Variants in SMC3 observed in about 807,000 individuals in gnomAD.
SMC3 encodes the protein structural maintenance of chromosomes 3.
A neutral mutation model predicts 171.8 loss-of-function variants in SMC3; 20 were observed. The ratio of observed to expected loss-of-function variants is 0.12; its 90% CI spans 0.08 to 0.17. The LOEUF (loss-of-function observed/expected upper bound fraction) is 0.17. Ranked by LOEUF, SMC3 falls within the 10% of genes least tolerant of loss-of-function variation. SMC3 has a pLI of 1.00. For synonymous variants in SMC3, 464 were observed against 451.1 expected, an observed-to-expected ratio of 1.03 and a Z score of -0.36; for missense variants, 543 against 1,420.4, an observed-to-expected ratio of 0.38 and a Z score of 9.93.
At chr10:110,579,780 TA>T (rs1244735842) in intron 7 of SMC3, among the ~76,000 whole-genome samples, 1 of 152,202 alleles carries the variant, frequency 6.6e-6, no homozygotes, top group Non-Finnish European at 1.5e-5. Flanking sequence ...GAGCGTTCAA[TA>T]ATGAGGATCT....
At chr10:110,602,298 C>A in intron 25 of SMC3, 120 bp downstream of exon 25, 1 of 1,003,182 alleles carries the variant, frequency 1.0e-6, no homozygotes, top group Non-Finnish European at 1.5e-6. Flanking sequence ...TACATGTGAA[C>A]AAACCTAGCA....
intron 22 of SMC3, 131 bp downstream of exon 22, chr10:110,600,677 T>C: frequency 1.5e-6 from 1 of 681,936 alleles, no homozygotes; most frequent in Non-Finnish European, 2.6e-6. Context: ...TTGTGGGCCT[T>C]GGGTTGGAAT....
At chr10:110,592,963 A>ATATAATGG (rs1349186591) in intron 17 of SMC3, 110 bp from the exon 18 acceptor site, 3 of 936,156 alleles carry the variant, frequency 3.2e-6, no homozygotes, top group Non-Finnish European at 5.1e-6. Flanking sequence ...TCGTTTTGAA[A>ATATAATGG]TATAATGGTG....
At chr10:110,570,125 T>G (rs1294966822) in intron 2 of SMC3, among the ~76,000 whole-genome samples, 1 of 152,182 alleles carries the variant, frequency 6.6e-6, no homozygotes, top group Non-Finnish European at 1.5e-5. Context: ...CTTCCTGGCT[T>G]ATGGACAGCT....
intron 15 of SMC3, 41 bp downstream of exon 15, chr10:110,590,032 AT>A: frequency 6.5e-7 from 1 of 1,527,350 alleles, no homozygotes; most frequent in East Asian, 2.3e-5. Context: ...ACACTGAGTC[AT>A]TGAGTTAATC....
At chr10:110,589,347 G>C (rs1335917945) in intron 13 of SMC3, among the ~76,000 whole-genome samples, 2 of 152,184 alleles carry the variant, frequency 1.3e-5, no homozygotes, top group Non-Finnish European at 2.9e-5. Flanking sequence ...AGTCAGGAAA[G>C]TGGCAAAAAT....
chr10:110,575,322 T>G lies in SMC3; in HGVS notation c.131-14T>G. The G allele has an allele frequency of 6.2e-7, 1 of 1,609,410 alleles. No homozygotes were observed. Among genetic ancestry groups the G allele is most frequent in the Non-Finnish European group, 8.5e-7 (1 of 1,175,976 alleles). ...TTTTTTAGGGTATACTAATAGTTGTTTTTGTATTTCCAGCAATTCAGTTTG... is the reference window on the plus strand; with the variant it reads ...TTTTTTAGGGTATACTAATAGTTGTGTTTGTATTTCCAGCAATTCAGTTTG... On this transcript the variant is annotated splice_polypyrimidine_tract_variant and intron_variant, in intron 3 of 28. Transcript: ENST00000361804.
rs542729118 is a variant in SMC3 at position 110,578,263 on chromosome 10, G to A, written c.350+349G>A. 9.9e-5 allele frequency among the ~76,000 whole-genome samples: 15 copies of A among 152,098 alleles called. No homozygotes were observed. In the East Asian group the frequency reaches 1.9e-3, roughly 20 times the overall value. On this transcript the variant is annotated intron_variant, in intron 6 of 28. Transcript: ENST00000361804. ...TACTTTTTGTATTCTTAGTAGAGAC[G>A]GGGTTTCACCATGTTGGCAGGCTGG...
chr10:110,593,262 C>T (rs774538999), intron 18 of SMC3, 39 bp downstream of exon 18: 13 of 1,592,818 alleles, frequency 8.2e-6, no homozygotes, highest in Admixed American at 1.7e-5. Flanking sequence ...CAGATAAATT[C>T]TAACAAATCA....
rs767098003 is a variant in SMC3 at position 110,573,686 on chromosome 10, G to A, written c.92-21G>A. ...TATTGGTTTTTATGTAAAATAACTTGTACTTTTTGAAATTTTCCAGTGGGC... is the reference window on the plus strand; with the variant it reads ...TATTGGTTTTTATGTAAAATAACTTATACTTTTTGAAATTTTCCAGTGGGC... On this transcript the variant is annotated intron_variant, in intron 2 of 28. Transcript: ENST00000361804. 19 of 1,536,278 alleles carry A rather than the reference G, an allele frequency of 1.2e-5. No homozygotes were observed. The Admixed American group carries it at 2.2e-4, about 18-fold the overall frequency.
Position 110,578,685 on chromosome 10 carries a change from T to C in SMC3, c.408T>C (p.Tyr136=), listed in dbSNP as rs1369566087. The C allele has an allele frequency of 1.2e-6, 2 of 1,608,368 alleles. No homozygotes were observed. Among genetic ancestry groups the C allele is most frequent in the African/African-American group, 2.7e-5 (2 of 74,880 alleles). ...CTGGTTTTTCTCGAAGCAATCCTTA[T>C]TATATTGTTAAACAAGGAAAGGTAA... ...ESAGFSRSNP[Y]YIVKQGKINQ... is the part of the protein sequence containing the mutation. The change falls in exon 7 of 29, where the codon TAT becomes TAC. Residue 136 remains tyrosine (Y), a synonymous_variant. Transcript: ENST00000361804.
intron 13 of SMC3, among the ~76,000 whole-genome samples, chr10:110,589,240 CAAAA>C (rs796294206): frequency 1.3e-5 from 2 of 151,292 alleles, no homozygotes; most frequent in African/African-American, 2.4e-5. Context: ...ATACAAAAAA[CAAAA>C]AAAACAAACT....
chr10:110,577,367 A>C, intron 4 of SMC3, 54 bp from the exon 5 acceptor site: 2 of 1,320,808 alleles, frequency 1.5e-6, no homozygotes, highest in Non-Finnish European at 2.2e-6. Flanking sequence ...GAATCCTTTA[A>C]AGGATATGAA....
intron 7 of SMC3, among the ~76,000 whole-genome samples, chr10:110,579,872 C>T (rs1590553737): frequency 6.6e-6 from 1 of 152,124 alleles, no homozygotes; most frequent in East Asian, 1.9e-4. Flanking sequence ...GCAGTGATAT[C>T]ATTTTTGACA....
At chr10:110,598,473 C>T (rs1590568194) in intron 20 of SMC3, among the ~76,000 whole-genome samples, 183 bp downstream of exon 20, 1 of 151,720 alleles carries the variant, frequency 6.6e-6, no homozygotes, top group Admixed American at 6.6e-5. Context: ...GTGGTGCGTT[C>T]TCAGCTCACT....
chr10:110,581,384 A>T (rs960339154), intron 8 of SMC3, among the ~76,000 whole-genome samples: 1 of 151,758 alleles, frequency 6.6e-6, no homozygotes, highest in African/African-American at 2.4e-5. Flanking sequence ...ATACTCAGTT[A>T]ATTTTTGTAT....
chr10:110,585,581 GC>G (rs1485200591), intron 13 of SMC3, among the ~76,000 whole-genome samples: 3 of 151,572 alleles, frequency 2.0e-5, no homozygotes, highest in Admixed American at 2.0e-4. Flanking sequence ...GAGCCACCAT[GC>G]CCGGTGTAAT....
intron 10 of SMC3, 46 bp from the exon 11 acceptor site, chr10:110,583,337 TA>T (rs1861060590): frequency 1.4e-6 from 2 of 1,457,700 alleles, no homozygotes; most frequent in African/African-American, 2.8e-5. Flanking sequence ...ACAATTCTGC[TA>T]TTGTACTTCT....
At chr10:110,590,627 T>A in intron 16 of SMC3, 55 bp downstream of exon 16, 1 of 1,485,856 alleles carries the variant, frequency 6.7e-7, no homozygotes. Context: ...AAGAATAGCT[T>A]AAACAACTTT....
Sources: gnomAD v4.1 joint callset for allele counts (sites outside exome capture counted in the v4.1 genomes callset) on GRCh38, gnomAD v4.1.1 for gene constraint, MANE v1.5 for transcripts, NCBI Gene and HGNC (gene_info 2026-07-23, HGNC 2026-07-21) for gene names.